Variants in ARL15 observed in about 807,000 individuals in gnomAD.
The protein encoded by ARL15 is ARF like GTPase 15.
ARL15 carries 19 observed loss-of-function variants against 25.2 expected under a neutral mutation model. The observed-to-expected ratio is 0.75, with a 90% confidence interval of 0.53 to 1.10. The LOEUF is 1.10. ARL15 is among the 50% of genes least tolerant of loss of function. The pLI is 0.00. For missense variants in ARL15, 220 were observed against 246.0 expected (o/e 0.89, Z 0.71); for synonymous variants, 94 against 86.8 (o/e 1.08, Z -0.46).
chr5:54,082,437 C>G (rs914325261), intron 4 of ARL15, among the ~76,000 whole-genome samples: 2 of 152,038 alleles, frequency 1.3e-5, no homozygotes, highest in African/African-American at 4.8e-5. Context: ...TTTACCCTTT[C>G]AAAAACTACA....
intron 4 of ARL15, among the ~76,000 whole-genome samples, chr5:54,002,414 A>AT (rs1748875821): frequency 6.6e-6 from 1 of 152,222 alleles, no homozygotes. Context: ...GGGAGGTGTC[A>AT]TAAGGGTAAT....
At chr5:54,005,040 G>A (rs1012977000) in intron 4 of ARL15, among the ~76,000 whole-genome samples, 1 of 151,772 alleles carries the variant, frequency 6.6e-6, no homozygotes, top group African/African-American at 2.4e-5. Flanking sequence ...TAAATAGGGA[G>A]GAGTTCTCAC....
At chr5:54,227,630 T>A (rs1220442783) in intron 1 of ARL15, among the ~76,000 whole-genome samples, 2 of 152,252 alleles carry the variant, frequency 1.3e-5, no homozygotes, top group East Asian at 3.8e-4. Flanking sequence ...GCCTGAATAC[T>A]TCTGGGTCAT....
chr5:53,917,348 G>A lies in ARL15; in HGVS notation c.463-30635C>T, dbSNP rs573126612. ...ATGGAGAATTACTCCATTGGCTCAA[G>A]CCTGGATGGGCCCCTAGTGGAGATA... is the stretch of plus-strand genomic sequence containing the variant. On this transcript the variant is annotated intron_variant, in intron 4 of 4. Transcript: ENST00000504924. 2.2e-3 allele frequency among the ~76,000 whole-genome samples: 330 copies of A among 152,316 alleles called. 2 individuals carry two copies. Among genetic ancestry groups the A allele is most frequent in the African/African-American group, 7.6e-3 (316 of 41,566 alleles).
chr5:54,167,480 G>A (rs57655206), intron 2 of ARL15, among the ~76,000 whole-genome samples: 7,624 of 152,230 alleles, frequency 0.05, 245 homozygotes, highest in East Asian at 0.15. Flanking sequence ...GGATAACTGC[G>A]TTTCCTGGCT....
chr5:54,210,747 G>T (rs1386914313), intron 1 of ARL15, among the ~76,000 whole-genome samples: 1 of 152,208 alleles, frequency 6.6e-6, no homozygotes, highest in East Asian at 1.9e-4. Context: ...CCACCCTGAA[G>T]AATATTTACA....
At chr5:54,085,837 G>A (rs1224796591) in intron 4 of ARL15, among the ~76,000 whole-genome samples, 9 of 152,046 alleles carry the variant, frequency 5.9e-5, no homozygotes, top group Admixed American at 5.9e-4. Flanking sequence ...AAGAGAAGAG[G>A]TGGATGGGTC....
intron 4 of ARL15, among the ~76,000 whole-genome samples, chr5:54,063,195 C>T (rs762937332): frequency 6.6e-6 from 1 of 152,228 alleles, no homozygotes; most frequent in African/African-American, 2.4e-5. Flanking sequence ...AAGGATGCAG[C>T]GTGTCTTCCG....
chr5:54,134,276 T>A (rs919313209), intron 3 of ARL15, among the ~76,000 whole-genome samples: 15 of 152,196 alleles, frequency 9.9e-5, no homozygotes, highest in Admixed American at 2.6e-4. Flanking sequence ...TAGTATGGGA[T>A]CATTTCAGGA....
intron 1 of ARL15, chr5:54,285,380 C>T (rs1758158484): frequency 1.1e-6 from 1 of 882,512 alleles, no homozygotes. Context: ...CAAAGGTAAG[C>T]ATGAAAATAA....
intron 3 of ARL15, among the ~76,000 whole-genome samples, chr5:54,114,078 AAAACAAACAAAT>A (rs1397318922): frequency 1.3e-5 from 2 of 151,858 alleles, no homozygotes; most frequent in African/African-American, 4.8e-5. Context: ...GATGTTTATT[AAAACAAACAAAT>A]AAACAAACAA....
intron 1 of ARL15, among the ~76,000 whole-genome samples, chr5:54,262,324 T>C (rs535743411): frequency 1.3e-5 from 2 of 152,318 alleles, no homozygotes; most frequent in Non-Finnish European, 2.9e-5. Context: ...TCAAACTCAA[T>C]GTTTTTCAGA....
chr5:54,115,359 G>C (rs1405413442), intron 3 of ARL15, among the ~76,000 whole-genome samples: 1 of 152,056 alleles, frequency 6.6e-6, no homozygotes, highest in African/African-American at 2.4e-5. Context: ...TCGCTATGTT[G>C]CCTAGGCTGG....
At chr5:54,285,052 T>C (rs1758151890) in intron 1 of ARL15, among the ~76,000 whole-genome samples, 1 of 152,208 alleles carries the variant, frequency 6.6e-6, no homozygotes, top group African/African-American at 2.4e-5. Context: ...GAAGGATAAG[T>C]AGTTAACTAT....
At chr5:54,245,538 C>A (rs970601605) in intron 1 of ARL15, among the ~76,000 whole-genome samples, 11 of 152,024 alleles carry the variant, frequency 7.2e-5, no homozygotes, top group Non-Finnish European at 1.2e-4. Flanking sequence ...CAGGCAAGTT[C>A]AAAAATGCTC....
At chr5:54,166,989 G>T (rs977146584) in intron 2 of ARL15, among the ~76,000 whole-genome samples, 1 of 152,084 alleles carries the variant, frequency 6.6e-6, no homozygotes, top group African/African-American at 2.4e-5. Context: ...GAGGTTTTGG[G>T]ACTTGCTAAT....
chr5:53,993,912 T>G (rs778779451), intron 4 of ARL15, among the ~76,000 whole-genome samples: 8 of 152,194 alleles, frequency 5.3e-5, no homozygotes, highest in Non-Finnish European at 8.8e-5. Context: ...TCACAGAACC[T>G]TATTACCAAC....
intron 3 of ARL15, 110 bp downstream of exon 3, chr5:54,154,470 T>A (rs1754161227): frequency 1.0e-5 from 7 of 679,476 alleles, no homozygotes; most frequent in Non-Finnish European, 1.7e-5. Context: ...AAGATAAAAA[T>A]GAACCACCTA....
At chr5:53,892,056 T>A (rs1389789354) in intron 4 of ARL15, among the ~76,000 whole-genome samples, 1 of 152,172 alleles carries the variant, frequency 6.6e-6, no homozygotes, top group Non-Finnish European at 1.5e-5. Context: ...ACTGCACAGT[T>A]TACTAAGGGC....
Sources: gnomAD v4.1 joint callset for allele counts (sites outside exome capture counted in the v4.1 genomes callset) on GRCh38, gnomAD v4.1.1 for gene constraint, MANE v1.5 for transcripts, NCBI Gene and HGNC (gene_info 2026-07-23, HGNC 2026-07-21) for gene names.